RARB: variants seen among roughly 807,000 people sequenced by gnomAD.
The protein encoded by RARB is HBV-activated protein.
RARB carries 17 observed loss-of-function variants against 51.9 expected under a neutral mutation model. The ratio of observed to expected loss-of-function variants is 0.33; its 90% confidence interval spans 0.22 to 0.49. The LOEUF (loss-of-function observed/expected upper bound fraction) is 0.49, where lower values mean the gene tolerates loss of function less well. Among genes scored for constraint, RARB ranks in the 20% least tolerant of loss-of-function variants. The pLI, the probability that RARB is intolerant of heterozygous loss-of-function variation, is 0.99. For missense variants in RARB, 369 were observed against 550.8 expected, an observed-to-expected ratio of 0.67 and a Z score of 3.30; for synonymous variants, 215 against 195.4, an observed-to-expected ratio of 1.10 and a Z score of -0.84.
intron 5 of RARB, among the ~76,000 whole-genome samples, chr3:25,341,727 A>G (rs1417854543): frequency 6.6e-6 from 1 of 152,118 alleles, no homozygotes; most frequent in Non-Finnish European, 1.5e-5. Flanking sequence ...TCTAGTGGGT[A>G]GAGGTCAAGG....
At chr3:25,130,433 A>C (rs1338493331) in intron 3 of RARB, among the ~76,000 whole-genome samples, 1 of 152,016 alleles carries the variant, frequency 6.6e-6, no homozygotes, top group Admixed American at 6.6e-5. Context: ...TGTTCTAAGG[A>C]GCTGTGTTCC....
At chr3:25,375,819 A>G (rs150644112) in intron 5 of RARB, among the ~76,000 whole-genome samples, 1,685 of 152,294 alleles carry the variant, frequency 0.011, 14 homozygotes, top group Non-Finnish European at 0.017. Context: ...AATCAGCCAT[A>G]CCAATTTTGT....
At chr3:25,092,584 C>T (rs563724829) in intron 3 of RARB, among the ~76,000 whole-genome samples, 1 of 152,234 alleles carries the variant, frequency 6.6e-6, no homozygotes, top group South Asian at 2.1e-4. Context: ...AAACAGGCTG[C>T]CACCTGGAAT....
intron 5 of RARB, among the ~76,000 whole-genome samples, chr3:25,419,379 T>A (rs1707796680): frequency 6.6e-6 from 1 of 152,078 alleles, no homozygotes; most frequent in Non-Finnish European, 1.5e-5. Context: ...AGTGAGGGAT[T>A]TTCCCTAAGC....
intron 5 of RARB, among the ~76,000 whole-genome samples, chr3:25,177,861 A>T (rs973992103): frequency 3.3e-5 from 5 of 152,224 alleles, no homozygotes; most frequent in Non-Finnish European, 5.9e-5. Context: ...AAATATTTTT[A>T]CTTACAGAAC....
At chr3:25,128,752 A>G (rs1408680315) in intron 3 of RARB, among the ~76,000 whole-genome samples, 1 of 152,026 alleles carries the variant, frequency 6.6e-6, no homozygotes, top group Non-Finnish European at 1.5e-5. Context: ...GAAAACAACT[A>G]AATATTCTGG....
chr3:25,378,352 C>G (rs933291820), intron 5 of RARB, among the ~76,000 whole-genome samples: 5 of 152,146 alleles, frequency 3.3e-5, no homozygotes, highest in African/African-American at 9.7e-5. Context: ...GCTGAAGTGG[C>G]GTGATGCCTC....
chr3:25,357,780 A>C (rs772313087), intron 5 of RARB, among the ~76,000 whole-genome samples: 1 of 152,074 alleles, frequency 6.6e-6, no homozygotes, highest in Admixed American at 6.6e-5. Flanking sequence ...TCCTTTCCCC[A>C]TTTCTTGTTT....
chr3:24,956,984 G>T (rs1230531873), intron 2 of RARB, among the ~76,000 whole-genome samples: 1 of 152,224 alleles, frequency 6.6e-6, no homozygotes, highest in Non-Finnish European at 1.5e-5. Flanking sequence ...ATTTTGAATT[G>T]TTCAGAATTG....
chr3:25,370,754 A>G (rs1232756989), intron 5 of RARB, among the ~76,000 whole-genome samples: 9 of 152,194 alleles, frequency 5.9e-5, no homozygotes, highest in Non-Finnish European at 8.8e-5. Context: ...TTAATTTCCT[A>G]TGGCTGCTGT....
At chr3:24,919,414 C>G (rs992941104) in intron 2 of RARB, among the ~76,000 whole-genome samples, 1 of 152,204 alleles carries the variant, frequency 6.6e-6, no homozygotes, top group Admixed American at 6.5e-5. Flanking sequence ...TTGTGCCAAT[C>G]ATCGAGTTTT....
chr3:25,578,257 C>T (rs1361042140), intron 4 of RARB, among the ~76,000 whole-genome samples: 1 of 152,194 alleles, frequency 6.6e-6, no homozygotes, highest in Non-Finnish European at 1.5e-5. Flanking sequence ...AATCCAGCAG[C>T]CAGTATAATA....
chr3:24,862,064 G>T (rs1192741031), intron 2 of RARB, among the ~76,000 whole-genome samples: 2 of 152,180 alleles, frequency 1.3e-5, no homozygotes, highest in African/African-American at 4.8e-5. Context: ...AAATCTGTAA[G>T]CTAACATTTC....
At chr3:24,956,929 G>A (rs1384884741) in intron 2 of RARB, among the ~76,000 whole-genome samples, 2 of 152,228 alleles carry the variant, frequency 1.3e-5, no homozygotes, top group Non-Finnish European at 2.9e-5. Context: ...GCAACAGCCA[G>A]TACAGTTATG....
In RARB at chr3:25,384,544, A is replaced by G. The variant is rs145665875; in HGVS notation, c.179-76649A>G. Among the ~76,000 whole-genome samples the G allele has an allele frequency of 2.8e-3, 428 of 152,278 alleles. 9 individuals carry two copies. Among genetic ancestry groups the G allele is most frequent in the Admixed American group, 0.026 (394 of 15,290 alleles). The stretch of plus-strand genomic sequence containing the variant: ...ACAGGAGGGGAGGGACCTGTTCCTC[A>G]GCCCTTTTTTTCTTTGTAGCATCAG... On this transcript the variant is annotated intron_variant, in intron 5 of 11. Coordinates refer to the RARB transcript ENST00000383772.
intron 5 of RARB, among the ~76,000 whole-genome samples, chr3:25,362,084 G>A (rs1040384842): frequency 1.3e-5 from 2 of 152,122 alleles, no homozygotes; most frequent in African/African-American, 4.8e-5. Flanking sequence ...ACCCACAGCC[G>A]CCCCTTCCTC....
intron 5 of RARB, among the ~76,000 whole-genome samples, chr3:25,277,500 G>T (rs1703424146): frequency 1.3e-5 from 2 of 152,178 alleles, no homozygotes; most frequent in Admixed American, 1.3e-4. Flanking sequence ...AGAACAGTTT[G>T]CAAATTGATT....
chr3:25,507,707 C>T (rs1697681041), intron 3 of RARB, among the ~76,000 whole-genome samples: 1 of 152,114 alleles, frequency 6.6e-6, no homozygotes, highest in Non-Finnish European at 1.5e-5. Flanking sequence ...CAAACCTTAG[C>T]TATCAAAGAA....
At chr3:25,239,720 G>A (rs548267627) in intron 5 of RARB, among the ~76,000 whole-genome samples, 11 of 152,158 alleles carry the variant, frequency 7.2e-5, no homozygotes, top group Admixed American at 2.0e-4. Context: ...AATATATTTC[G>A]AAATCTAATA....
Sources: gnomAD v4.1 joint callset for allele counts (sites outside exome capture counted in the v4.1 genomes callset) on GRCh38, gnomAD v4.1.1 for gene constraint, MANE v1.5 for transcripts, NCBI Gene and HGNC (gene_info 2026-07-23, HGNC 2026-07-21) for gene names.